Variants in ROBO2 observed in about 807,000 individuals in gnomAD.
The protein encoded by ROBO2 is roundabout guidance receptor 2, also known as roundabout homolog 2.
ROBO2 carries 53 observed loss-of-function variants against 160.8 expected under a neutral mutation model. That is an observed-to-expected ratio of 0.33 (90% CI 0.26 to 0.41). The LOEUF is 0.41. Ranked by LOEUF, ROBO2 falls within the 10% of genes least tolerant of loss-of-function variation. ROBO2 has a pLI of 1.00. For missense variants in ROBO2, 1,577 were observed against 1,722.4 expected (o/e 0.92, Z 1.49); for synonymous variants, 664 against 611.7 (o/e 1.09, Z -1.26).
At chr3:76,255,543 G>T (rs1206636148) in intron 2 of ROBO2, among the ~76,000 whole-genome samples, 1 of 151,830 alleles carries the variant, frequency 6.6e-6, no homozygotes, top group Non-Finnish European at 1.5e-5. Context: ...TGTAAACATT[G>T]ATGCAGAATT....
At chr3:77,047,996 G>A (rs910283910) in intron 1 of ROBO2, among the ~76,000 whole-genome samples, 10 of 152,080 alleles carry the variant, frequency 6.6e-5, no homozygotes, top group Admixed American at 5.2e-4. Context: ...GCAGTGAGCC[G>A]AGATCGCGCC....
At chr3:76,753,383 G>A (rs959660717) in intron 2 of ROBO2, among the ~76,000 whole-genome samples, 34 of 151,610 alleles carry the variant, frequency 2.2e-4, no homozygotes, top group African/African-American at 7.0e-4. Context: ...TTTTTAATAT[G>A]CCCTTATGCA....
At chr3:76,771,092 G>C (rs1370935868) in intron 2 of ROBO2, among the ~76,000 whole-genome samples, 1 of 151,288 alleles carries the variant, frequency 6.6e-6, no homozygotes, top group Non-Finnish European at 1.5e-5. Flanking sequence ...GACAGGGTTT[G>C]TGACAGTTGC....
At chr3:77,287,288 T>C (rs1192140252) in intron 2 of ROBO2, among the ~76,000 whole-genome samples, 1 of 146,346 alleles carries the variant, frequency 6.8e-6, no homozygotes, top group Non-Finnish European at 1.5e-5. Context: ...TGCAACATGC[T>C]TTTTAAATTG....
At chr3:76,920,585 C>A (rs2076594420) in intron 2 of ROBO2, among the ~76,000 whole-genome samples, 1 of 152,182 alleles carries the variant, frequency 6.6e-6, no homozygotes, top group Admixed American at 6.5e-5. Flanking sequence ...CTGCACCAAG[C>A]CAATGCTTTT....
intron 2 of ROBO2, among the ~76,000 whole-genome samples, chr3:76,349,663 G>T (rs1471856219): frequency 6.6e-6 from 1 of 152,126 alleles, no homozygotes; most frequent in Non-Finnish European, 1.5e-5. Flanking sequence ...AAGCTAACAA[G>T]TTAGCCTGCC....
At chr3:76,939,979 A>ATT (rs71104641) in intron 2 of ROBO2, among the ~76,000 whole-genome samples, 22,341 of 119,908 alleles carry the variant, frequency 0.19, 2,809 homozygotes, top group Admixed American at 0.26. Context: ...AAGCAACAGG[A>ATT]TTTTTTTTTT....
intron 2 of ROBO2, among the ~76,000 whole-genome samples, chr3:76,526,086 T>C (rs938420777): frequency 6.6e-6 from 1 of 151,990 alleles, no homozygotes; most frequent in East Asian, 1.9e-4. Flanking sequence ...AGTTCCCACA[T>C]AGACTTATAA....
chr3:77,450,048 A>G (rs1325243986), intron 2 of ROBO2, among the ~76,000 whole-genome samples: 2 of 152,132 alleles, frequency 1.3e-5, no homozygotes, highest in African/African-American at 4.8e-5. Flanking sequence ...AAAAATTTGT[A>G]AAGTAATAAC....
At chr3:77,221,880 G>A (rs2085863364) in intron 2 of ROBO2, among the ~76,000 whole-genome samples, 1 of 137,542 alleles carries the variant, frequency 7.3e-6, no homozygotes, top group Non-Finnish European at 1.5e-5. Context: ...TTGAGACAGA[G>A]TCTTGCTCTG....
intron 2 of ROBO2, among the ~76,000 whole-genome samples, chr3:77,301,521 C>A (rs942725976): frequency 5.9e-5 from 9 of 152,266 alleles, no homozygotes; most frequent in African/African-American, 2.2e-4. Flanking sequence ...TATATTTATT[C>A]AATTATCAAT....
At chr3:76,419,315 C>T (rs2075891002) in intron 2 of ROBO2, among the ~76,000 whole-genome samples, 1 of 152,076 alleles carries the variant, frequency 6.6e-6, no homozygotes, top group African/African-American at 2.4e-5. Flanking sequence ...GAATAGTAAC[C>T]ACAGAATGCT....
At chr3:76,734,973 C>T (rs2093686811) in intron 2 of ROBO2, among the ~76,000 whole-genome samples, 1 of 152,188 alleles carries the variant, frequency 6.6e-6, no homozygotes, top group African/African-American at 2.4e-5. Flanking sequence ...AATGCTTATG[C>T]ATTGTTGGTA....
At chr3:76,797,398 G>T (rs1241091894) in intron 2 of ROBO2, among the ~76,000 whole-genome samples, 5 of 151,848 alleles carry the variant, frequency 3.3e-5, no homozygotes, top group Non-Finnish European at 7.4e-5. Flanking sequence ...AAATGAAATG[G>T]AAACACAACA....
intron 2 of ROBO2, among the ~76,000 whole-genome samples, chr3:76,833,494 G>A (rs1303766188): frequency 1.3e-5 from 2 of 152,188 alleles, no homozygotes; most frequent in African/African-American, 4.8e-5. Flanking sequence ...ACGATATGAG[G>A]AAACAGAGTG....
At chr3:76,375,259 A>T (rs2076287363) in intron 2 of ROBO2, among the ~76,000 whole-genome samples, 1 of 151,896 alleles carries the variant, frequency 6.6e-6, no homozygotes, top group Non-Finnish European at 1.5e-5. Context: ...CTCACTGATA[A>T]TGTTTGGGTA....
At chr3:77,021,264 T>C (rs1395555879) in intron 2 of ROBO2, among the ~76,000 whole-genome samples, 2 of 152,032 alleles carry the variant, frequency 1.3e-5, no homozygotes, top group East Asian at 1.9e-4. Context: ...GCTGAGTACT[T>C]TGAACTAAGG....
chr3:76,187,756 T>C (rs1245147734), intron 2 of ROBO2, among the ~76,000 whole-genome samples: 2 of 152,142 alleles, frequency 1.3e-5, no homozygotes, highest in African/African-American at 2.4e-5. Context: ...ACCTTGAATA[T>C]GTCCACCTCT....
intron 2 of ROBO2, among the ~76,000 whole-genome samples, chr3:75,946,970 T>C (rs1347835780): frequency 6.6e-6 from 1 of 151,916 alleles, no homozygotes; most frequent in Non-Finnish European, 1.5e-5. Context: ...ACCTGTCCAG[T>C]TGAAGGATGA....
Sources: allele counts gnomAD v4.1 joint callset (sites outside exome capture counted in the v4.1 genomes callset), GRCh38; gene constraint gnomAD v4.1.1; transcripts MANE v1.5; gene names NCBI Gene and HGNC (gene_info 2026-07-23, HGNC 2026-07-21).